Variants in POLB observed in about 807,000 individuals in gnomAD.
The protein encoded by POLB is 5'-dRP lyase.
In POLB, 37 loss-of-function variants were observed where a neutral mutation model predicts 52.7. That is an observed-to-expected ratio of 0.70 (90% CI 0.54 to 0.92). POLB has a LOEUF of 0.92. POLB is among the 40% of genes least tolerant of loss of function. POLB has a pLI of 0.00. For missense variants in POLB, 313 were observed against 400.8 expected, an observed-to-expected ratio of 0.78 and a Z score of 1.87; for synonymous variants, 138 against 131.3, an observed-to-expected ratio of 1.05 and a Z score of -0.35.
At chr8:42,362,725 CT>C (rs1301418615) in intron 11 of POLB, 27 bp downstream of exon 11, 5 of 1,346,120 alleles carry the variant, frequency 3.7e-6, no homozygotes, top group Non-Finnish European at 5.3e-6. Flanking sequence ...GTTAGCACAT[CT>C]AAAAAAAAAC....
At chr8:42,354,198 C>G (rs539598832) in intron 6 of POLB, among the ~76,000 whole-genome samples, 1 of 152,190 alleles carries the variant, frequency 6.6e-6, no homozygotes, top group African/African-American at 2.4e-5. Flanking sequence ...CTATATCTGT[C>G]TAACATACTC....
chr8:42,352,720 G>A, intron 6 of POLB, 152 bp downstream of exon 6: 1 of 599,880 alleles, frequency 1.7e-6, no homozygotes, highest in South Asian at 2.1e-5. Context: ...AGTAGATATA[G>A]GGTATAGTTT....
At chr8:42,344,631 G>A (rs1352790840) in intron 2 of POLB, among the ~76,000 whole-genome samples, 5 of 151,952 alleles carry the variant, frequency 3.3e-5, no homozygotes, top group Non-Finnish European at 4.4e-5. Context: ...TCAGGAGATC[G>A]AGACCATCCT....
intron 12 of POLB, chr8:42,369,596 T>C: frequency 1.9e-6 from 1 of 524,026 alleles, no homozygotes; most frequent in Non-Finnish European, 3.4e-6. Flanking sequence ...CTGCCTGGGC[T>C]AAGTTAGTTG....
chr8:42,362,757 A>T (rs1250598396), intron 11 of POLB, 59 bp downstream of exon 11: 5 of 844,264 alleles, frequency 5.9e-6, no homozygotes, highest in Non-Finnish European at 1.0e-5. Context: ...TTCAGTAGCC[A>T]TTCTGAGTGT....
In POLB at chr8:42,353,419, T is replaced by G. The variant is rs959607420; in HGVS notation, c.370+851T>G. 4.6e-5 allele frequency among the ~76,000 whole-genome samples: 7 copies of G among 151,876 alleles called. 1 individual carries two copies. Among genetic ancestry groups the G allele is most frequent in the Non-Finnish European group, 7.4e-5 (5 of 67,894 alleles). On this transcript the variant is annotated intron_variant, in intron 6 of 13. Coordinates refer to ENST00000265421, the MANE Select transcript of POLB (RefSeq NM_002690.3). Reference sequence around the variant, plus strand: ...CACCGCGCCTGGCCCCCTTTATTTCTTTAATAAAATTTTAGGCAATAAAAT... The same window carrying G: ...CACCGCGCCTGGCCCCCTTTATTTCGTTAATAAAATTTTAGGCAATAAAAT...
chr8:42,363,298 G>A (rs1207151156), intron 11 of POLB, among the ~76,000 whole-genome samples: 1 of 151,748 alleles, frequency 6.6e-6, no homozygotes, highest in African/African-American at 2.4e-5. Context: ...GGAGGCCGAG[G>A]TCAGCGGATT....
At chr8:42,364,364 G>C (rs978083984) in intron 11 of POLB, among the ~76,000 whole-genome samples, 1 of 152,014 alleles carries the variant, frequency 6.6e-6, no homozygotes, top group African/African-American at 2.4e-5. Context: ...TAGTAGCTGG[G>C]ACTGCAGGTG....
Position 42,351,135 on chromosome 8 carries a change from A to G in POLB, c.320+1070A>G, listed in dbSNP as rs1822955739. ...AGCCTTCCTCCCACTTAAGCCTCCC[A>G]GAGTGCTAGGATTATAGGTGTGAAC... is the stretch of plus-strand genomic sequence containing the variant. On this transcript the variant is annotated intron_variant, in intron 5 of 13. Transcript: ENST00000265421. 2.0e-5 allele frequency among the ~76,000 whole-genome samples: 3 copies of G among 152,266 alleles called. No homozygotes were observed. The South Asian group carries it at 6.2e-4, about 32-fold the overall frequency.
chr8:42,342,527 C>T (rs1013166942), intron 2 of POLB: 1 of 852,200 alleles, frequency 1.2e-6, no homozygotes, highest in Non-Finnish European at 2.0e-6. Context: ...TCCTGTATTA[C>T]CAAGCGTTTC....
In POLB at chr8:42,369,284, T is replaced by C; in HGVS notation, c.722T>C (p.Leu241Pro). 1 of 1,580,644 alleles carries C rather than the reference T, an allele frequency of 6.3e-7. No homozygotes were observed. The highest frequency in any genetic ancestry group is 8.7e-7 in the Non-Finnish European group (1 of 1,150,876). The change falls in exon 12 of 14, where the codon CTT (leucine) becomes CCT (proline). Residue 241 changes from leucine to proline, a missense_variant. Around this residue, in one of 3 missense-constraint regions of POLB, gnomAD observed 246 missense variants for 297.6 expected, o/e 0.83. Transcript: ENST00000265421. ...GETKFMGVCQ[L>P]PSKNDEKEYP... ...TGTTCATTTTAGGGTGTTTGCCAGCTTCCCAGTAAAAATGATGAAAAAGAA... is the reference window on the plus strand; with the variant it reads ...TGTTCATTTTAGGGTGTTTGCCAGCCTCCCAGTAAAAATGATGAAAAAGAA...
chr8:42,344,063 G>A (rs931944467), intron 2 of POLB, among the ~76,000 whole-genome samples: 2 of 151,162 alleles, frequency 1.3e-5, no homozygotes, highest in Non-Finnish European at 1.5e-5. Context: ...CCTGGGAAGC[G>A]GAGGTGACAG....
intron 11 of POLB, among the ~76,000 whole-genome samples, chr8:42,363,808 TG>T (rs112447878): frequency 6.6e-6 from 1 of 151,900 alleles, no homozygotes; most frequent in Admixed American, 6.6e-5. Context: ...GAAAGTTGAT[TG>T]GGGGGGAATT....
chr8:42,360,375 A>G (rs1823600999), intron 9 of POLB, among the ~76,000 whole-genome samples: 1 of 152,186 alleles, frequency 6.6e-6, no homozygotes, highest in Non-Finnish European at 1.5e-5. Context: ...TTAGTTACCA[A>G]AAGGGTGTTT....
intron 11 of POLB, among the ~76,000 whole-genome samples, chr8:42,365,247 C>G (rs189344351): frequency 6.6e-6 from 1 of 152,228 alleles, no homozygotes; most frequent in African/African-American, 2.4e-5. Flanking sequence ...AACAATGCTT[C>G]CAAACGAACT....
At chr8:42,346,775 G>T (rs1477736301) in intron 3 of POLB, among the ~76,000 whole-genome samples, 1 of 152,108 alleles carries the variant, frequency 6.6e-6, no homozygotes, top group Admixed American at 6.5e-5. Flanking sequence ...GTGACAGATT[G>T]TCCACATTCA....
intron 2 of POLB, among the ~76,000 whole-genome samples, chr8:42,343,719 T>C (rs1165957747): frequency 6.6e-6 from 1 of 152,172 alleles, no homozygotes; most frequent in East Asian, 1.9e-4. Context: ...TTTAAATCAC[T>C]TTGTTACTCA....
At chr8:42,354,954 A>T (rs1823209297) in intron 6 of POLB, among the ~76,000 whole-genome samples, 1 of 152,244 alleles carries the variant, frequency 6.6e-6, no homozygotes, top group African/African-American at 2.4e-5. Context: ...GAAAACATTC[A>T]GAAGTTATGG....
At chr8:42,344,289 G>A (rs539294318) in intron 2 of POLB, among the ~76,000 whole-genome samples, 3 of 151,888 alleles carry the variant, frequency 2.0e-5, no homozygotes, top group Non-Finnish European at 4.4e-5. Context: ...CCAACATGGA[G>A]AAACCCTGTC....
Sources: allele counts gnomAD v4.1 joint callset (sites outside exome capture counted in the v4.1 genomes callset), GRCh38; gene constraint gnomAD v4.1.1; regional missense constraint gnomAD v4.1.1; transcripts MANE v1.5; gene names NCBI Gene and HGNC (gene_info 2026-07-23, HGNC 2026-07-21).